DYNC1I1: variants seen among roughly 807,000 people sequenced by gnomAD.
DYNC1I1 encodes the protein dynein cytoplasmic 1 intermediate chain 1.
Under a neutral mutation model 86.6 loss-of-function variants are expected in DYNC1I1, and 43 were observed. That is an observed-to-expected ratio of 0.50 (90% CI 0.39 to 0.64). The LOEUF is 0.64. DYNC1I1 is among the 30% of genes least tolerant of loss of function. The pLI is 0.00. For missense variants in DYNC1I1, 604 were observed against 788.8 expected (o/e 0.77, Z 2.81); for synonymous variants, 262 against 283.7 (o/e 0.92, Z 0.77).
At chr7:96,082,406 A>G (rs1790551423) in intron 16 of DYNC1I1, among the ~76,000 whole-genome samples, 2 of 152,116 alleles carry the variant, frequency 1.3e-5, no homozygotes, top group East Asian at 3.9e-4. Context: ...ATGCTCAGAG[A>G]TACAATGGCA....
intron 5 of DYNC1I1, among the ~76,000 whole-genome samples, chr7:95,851,642 G>C (rs1789581900): frequency 6.6e-6 from 1 of 152,046 alleles, no homozygotes; most frequent in African/African-American, 2.4e-5. Context: ...TTTTGCATCT[G>C]TGTTCATCAG....
intron 14 of DYNC1I1, among the ~76,000 whole-genome samples, chr7:96,044,467 T>TC (rs1352256736): frequency 6.6e-6 from 1 of 152,044 alleles, no homozygotes; most frequent in Non-Finnish European, 1.5e-5. Flanking sequence ...TTTTTTTTTT[T>TC]CTTCTTGAGA....
chr7:96,012,605 G>A (rs1233242803), intron 10 of DYNC1I1, among the ~76,000 whole-genome samples: 2 of 152,154 alleles, frequency 1.3e-5, no homozygotes, highest in Admixed American at 6.5e-5. Flanking sequence ...ACATGAGCTC[G>A]AGTGAGTATG....
At chr7:96,086,303 C>T (rs1335917698) in intron 16 of DYNC1I1, among the ~76,000 whole-genome samples, 1 of 152,174 alleles carries the variant, frequency 6.6e-6, no homozygotes, top group African/African-American at 2.4e-5. Flanking sequence ...CCTATTATTT[C>T]TTTTTCCATT....
chr7:95,867,648 C>G (rs1033602882), intron 5 of DYNC1I1, among the ~76,000 whole-genome samples: 5 of 152,210 alleles, frequency 3.3e-5, no homozygotes, highest in Non-Finnish European at 7.3e-5. Context: ...GCCCTGAAAT[C>G]CCTGCCTGTA....
intron 5 of DYNC1I1, among the ~76,000 whole-genome samples, chr7:95,859,463 G>T (rs1363901426): frequency 1.3e-5 from 2 of 152,198 alleles, no homozygotes; most frequent in Non-Finnish European, 1.5e-5. Flanking sequence ...GACTAGCTTT[G>T]TCTGATAAGT....
chr7:95,929,278 G>A (rs368697610), intron 6 of DYNC1I1, among the ~76,000 whole-genome samples: 14 of 152,190 alleles, frequency 9.2e-5, no homozygotes, highest in East Asian at 7.7e-4. Flanking sequence ...GTCACCTACT[G>A]TGATCTTTGC....
intron 6 of DYNC1I1, among the ~76,000 whole-genome samples, chr7:95,903,665 A>G (rs1380036562): frequency 6.6e-6 from 1 of 152,180 alleles, no homozygotes; most frequent in African/African-American, 2.4e-5. Context: ...GAATGCTTCC[A>G]TTTTCCAGGC....
At chr7:95,940,241 C>T (rs1259009388) in intron 6 of DYNC1I1, among the ~76,000 whole-genome samples, 3 of 151,190 alleles carry the variant, frequency 2.0e-5, no homozygotes, top group Non-Finnish European at 4.5e-5. Flanking sequence ...TTTTTTCCTT[C>T]ATTTCAACTT....
chr7:96,085,425 A>G (rs1439471928), intron 16 of DYNC1I1, among the ~76,000 whole-genome samples: 1 of 151,992 alleles, frequency 6.6e-6, no homozygotes, highest in Non-Finnish European at 1.5e-5. Flanking sequence ...CCCACAGCCT[A>G]TGACTCAAGA....
chr7:96,043,544 A>G (rs1789120663), intron 14 of DYNC1I1, among the ~76,000 whole-genome samples: 1 of 151,968 alleles, frequency 6.6e-6, no homozygotes, highest in Non-Finnish European at 1.5e-5. Context: ...GTATTAAAAA[A>G]AAAAAAACAG....
intron 10 of DYNC1I1, among the ~76,000 whole-genome samples, chr7:96,007,933 G>A (rs1794181486): frequency 6.6e-6 from 1 of 152,168 alleles, no homozygotes; most frequent in East Asian, 1.9e-4. Context: ...CATTTCTCTG[G>A]TTAAGCTAGG....
intron 16 of DYNC1I1, among the ~76,000 whole-genome samples, chr7:96,082,802 G>A (rs1205074456): frequency 6.6e-6 from 1 of 152,078 alleles, no homozygotes; most frequent in African/African-American, 2.4e-5. Context: ...AAGTTACTTT[G>A]GCTGATATGT....
At position 96,068,804 on chromosome 7, in the gene DYNC1I1, T is replaced by C. The variant is rs560299775; in HGVS notation, c.1510-7253T>C. Among the ~76,000 whole-genome samples the C allele has an allele frequency of 2.0e-5, 3 of 151,070 alleles. No homozygotes were observed. The East Asian group carries it at 5.8e-4, about 29-fold the overall frequency. On this transcript the variant is annotated intron_variant, in intron 14 of 16. Coordinates refer to ENST00000447467, the MANE Select transcript of DYNC1I1 (RefSeq NM_001135556.2). The stretch of plus-strand genomic sequence containing the variant: ...TAAGAATTGTGTGTATATGTACATA[T>C]GTATATTTAATTTATTTATATATAG...
chr7:96,039,813 T>A (rs1431575068), intron 14 of DYNC1I1, among the ~76,000 whole-genome samples: 1 of 152,118 alleles, frequency 6.6e-6, no homozygotes, highest in East Asian at 1.9e-4. Flanking sequence ...TACTTACATA[T>A]GTACCTATGG....
intron 6 of DYNC1I1, among the ~76,000 whole-genome samples, chr7:95,951,725 G>A (rs556994530): frequency 2.6e-5 from 4 of 152,244 alleles, no homozygotes; most frequent in Non-Finnish European, 5.9e-5. Context: ...ACGACTGCAC[G>A]CCTACACAGC....
At position 95,793,918 on chromosome 7, in the gene DYNC1I1, C is replaced by T. The variant is rs572429236; in HGVS notation, c.-9-10803C>T. Among the ~76,000 whole-genome samples, 14 of 152,334 alleles carry T rather than the reference C, an allele frequency of 9.2e-5. No homozygotes were observed. In the South Asian group the frequency reaches 2.9e-3, roughly 32 times the overall value. On this transcript the variant is annotated intron_variant, in intron 1 of 16. Coordinates refer to ENST00000447467, the MANE Select transcript of DYNC1I1 (RefSeq NM_001135556.2). ...TGGAGGATCCACCCCTTTCTATGTGCTCCTTGGGAGTGCCGCTTGAGATGG... is the reference window on the plus strand; with the variant it reads ...TGGAGGATCCACCCCTTTCTATGTGTTCCTTGGGAGTGCCGCTTGAGATGG...
chr7:96,066,703 T>TAGA (rs1790002083), intron 14 of DYNC1I1, among the ~76,000 whole-genome samples: 1 of 152,202 alleles, frequency 6.6e-6, no homozygotes, highest in South Asian at 2.1e-4. Context: ...CTCCCTTCTT[T>TAGA]AGAACTCTGT....
At chr7:95,988,245 C>G (rs1254594479) in intron 9 of DYNC1I1, among the ~76,000 whole-genome samples, 1 of 152,050 alleles carries the variant, frequency 6.6e-6, no homozygotes, top group Non-Finnish European at 1.5e-5. Flanking sequence ...AGTGTGGTGG[C>G]AAATGCCTGT....
Sources: gnomAD v4.1 joint callset for allele counts (sites outside exome capture counted in the v4.1 genomes callset) on GRCh38, gnomAD v4.1.1 for gene constraint, MANE v1.5 for transcripts, NCBI Gene and HGNC (gene_info 2026-07-23, HGNC 2026-07-21) for gene names.